Variants in CACNA1E observed in about 807,000 individuals in gnomAD.
CACNA1E encodes voltage-dependent R-type calcium channel subunit alpha-1E.
CACNA1E carries 40 observed loss-of-function variants against 259.2 expected under a neutral mutation model. The ratio of observed to expected loss-of-function variants is 0.15; its 90% CI spans 0.12 to 0.20. CACNA1E has a LOEUF of 0.20. CACNA1E is among the 10% of genes least tolerant of loss of function. The probability of loss-of-function intolerance (pLI) is 1.00; values close to 1 mark genes in which losing one functional copy is unlikely to be tolerated. For synonymous variants in CACNA1E, 1,104 were observed against 1,138.5 expected, an observed-to-expected ratio of 0.97 and a Z score of 0.61; for missense variants, 1,874 against 3,040.1, an observed-to-expected ratio of 0.62 and a Z score of 9.02.
At chr1:181,391,941 C>CTGTGTG (rs1168690866) in intron 1 of CACNA1E, among the ~76,000 whole-genome samples, 229 of 116,864 alleles carry the variant, frequency 2.0e-3, no homozygotes, top group African/African-American at 8.9e-3. Flanking sequence ...CTCTCTCTCT[C>CTGTGTG]TCTCTGTGTG....
At chr1:181,560,694 C>G (rs957850750) in intron 3 of CACNA1E, among the ~76,000 whole-genome samples, 1 of 152,084 alleles carries the variant, frequency 6.6e-6, no homozygotes, top group African/African-American at 2.4e-5. Flanking sequence ...CAAATTGAAC[C>G]ATAAAAATTA....
chr1:181,745,878 C>G (rs953290703), intron 25 of CACNA1E, among the ~76,000 whole-genome samples: 5 of 152,210 alleles, frequency 3.3e-5, no homozygotes, highest in African/African-American at 1.2e-4. Flanking sequence ...GCTCTGCTCT[C>G]TCCTGCTGCT....
chr1:181,395,040 G>A (rs1209773540), intron 1 of CACNA1E, among the ~76,000 whole-genome samples: 2 of 152,184 alleles, frequency 1.3e-5, no homozygotes, highest in Admixed American at 6.5e-5. Flanking sequence ...AGAGGCTCAC[G>A]CTGCACATTG....
chr1:181,617,323 G>T (rs1163266398), intron 6 of CACNA1E, among the ~76,000 whole-genome samples: 4 of 149,662 alleles, frequency 2.7e-5, no homozygotes, highest in Non-Finnish European at 3.0e-5. Flanking sequence ...TGTGTGTTTT[G>T]CTCATCATGG....
At chr1:181,715,927 C>A in intron 9 of CACNA1E, 113 bp from the exon 10 acceptor site, 1 of 684,638 alleles carries the variant, frequency 1.5e-6, no homozygotes. Context: ...AGATAGATGC[C>A]TGTGTTACAG....
intron 44 of CACNA1E, 103 bp from the exon 45 acceptor site, chr1:181,793,562 C>G (rs752559462): frequency 3.1e-6 from 4 of 1,270,634 alleles, no homozygotes; most frequent in Non-Finnish European, 4.3e-6. Flanking sequence ...CTGCAAGTCT[C>G]TCTTTTGAAA....
chr1:181,371,186 T>C (rs1654686575), intron 1 of CACNA1E, among the ~76,000 whole-genome samples: 1 of 152,224 alleles, frequency 6.6e-6, no homozygotes, highest in African/African-American at 2.4e-5. Flanking sequence ...GCTGAATGCA[T>C]AGTTCATGAA....
rs1290414134 is a variant in CACNA1E at position 181,485,468 on chromosome 1, T to C, written c.266+1458T>C. ...TCTAAGCAGATATTCTTCCTGCTGC[T>C]GTTCGCATCCTCCCACAGCAACCCC... On this transcript the variant is annotated intron_variant, in intron 1 of 47. Coordinates refer to ENST00000367573, the MANE Select transcript of CACNA1E (RefSeq NM_001205293.3). This position sits in a 1 kb window ranked among gnomAD's most constrained non-coding sequence, Gnocchi z 4.2. Among the ~76,000 whole-genome samples, 1 of 152,198 alleles carries C rather than the reference T, an allele frequency of 6.6e-6. No homozygotes were observed. The highest frequency in any genetic ancestry group is 1.9e-4 in the East Asian group (1 of 5,198).
At chr1:181,601,982 T>A (rs1404059248) in intron 6 of CACNA1E, among the ~76,000 whole-genome samples, 2 of 152,112 alleles carry the variant, frequency 1.3e-5, no homozygotes, top group East Asian at 3.9e-4. Context: ...CTAACATGGG[T>A]CTTGCTGGAA....
chr1:181,394,290 A>G (rs1571754720), intron 1 of CACNA1E, among the ~76,000 whole-genome samples: 1 of 152,232 alleles, frequency 6.6e-6, no homozygotes, highest in African/African-American at 2.4e-5. Flanking sequence ...ATAAGATAGC[A>G]TATTTAAAGT....
intron 7 of CACNA1E, among the ~76,000 whole-genome samples, chr1:181,682,287 A>C (rs1650053982): frequency 6.6e-6 from 1 of 152,180 alleles, no homozygotes; most frequent in African/African-American, 2.4e-5. Flanking sequence ...TGGGATACAC[A>C]ATACTTTTAA....
chr1:181,607,974 G>T (rs1311445838), intron 6 of CACNA1E, among the ~76,000 whole-genome samples: 1 of 152,180 alleles, frequency 6.6e-6, no homozygotes, highest in African/African-American at 2.4e-5. Flanking sequence ...GCTATTGTGG[G>T]ATGTCATTTC....
At chr1:181,369,850 T>C (rs1034828419) in intron 1 of CACNA1E, among the ~76,000 whole-genome samples, 3 of 152,226 alleles carry the variant, frequency 2.0e-5, no homozygotes, top group African/African-American at 7.2e-5. Context: ...GTTTGTCATA[T>C]AGGCAAATTG....
chr1:181,609,767 T>A (rs1372235223), intron 6 of CACNA1E, among the ~76,000 whole-genome samples: 1 of 152,218 alleles, frequency 6.6e-6, no homozygotes, highest in African/African-American at 2.4e-5. Flanking sequence ...TTTCTATGAT[T>A]TGCCTAGATT....
intron 6 of CACNA1E, among the ~76,000 whole-genome samples, chr1:181,607,573 T>C (rs1209897278): frequency 1.3e-5 from 2 of 152,348 alleles, no homozygotes; most frequent in African/African-American, 2.4e-5. Context: ...GCTCTTATTC[T>C]CTAGAAGCTT....
intron 6 of CACNA1E, among the ~76,000 whole-genome samples, chr1:181,647,480 C>T (rs1179488732): frequency 6.6e-6 from 1 of 152,140 alleles, no homozygotes; most frequent in Non-Finnish European, 1.5e-5. Flanking sequence ...TCTCTTGCAC[C>T]TCCTGCTGAG....
rs1169304498 is a variant in CACNA1E at position 181,755,246 on chromosome 1, G to T, written c.3838G>T (p.Asp1280Tyr). 6.2e-7 allele frequency: 1 copy of T among 1,613,624 alleles called. No individual in the cohort carries two copies. The highest frequency in any genetic ancestry group is 1.1e-5 in the South Asian group (1 of 90,984). ...KRLPKLKAVF[D>Y]CVVTSLKNVF... is the part of the protein sequence containing the mutation. The stretch of plus-strand genomic sequence containing the variant: ...TTTGCTCTGTCCACAGGCCGTCTTC[G>T]ACTGCGTAGTGACCTCCTTGAAGAA... Residue 1280 changes from aspartate (D) to tyrosine (Y), a missense_variant, in exon 28 of 48, where the codon GAC (aspartate) becomes TAC (tyrosine). Asp to Tyr is a radical substitution (Grantham distance 160). Coordinates refer to ENST00000367573, the MANE Select transcript of CACNA1E (RefSeq NM_001205293.3).
chr1:181,435,515 A>ATTAT (rs1300255208), intron 2 of CACNA1E, among the ~76,000 whole-genome samples: 34 of 151,950 alleles, frequency 2.2e-4, no homozygotes, highest in Middle Eastern at 3.2e-3. Context: ...TGTGTAGCTG[A>ATTAT]TTATTTATTT....
At chr1:181,325,675 A>G (rs1571566362) in intron 1 of CACNA1E, among the ~76,000 whole-genome samples, 1 of 150,998 alleles carries the variant, frequency 6.6e-6, no homozygotes, top group Non-Finnish European at 1.5e-5. Context: ...TTAAATTTTT[A>G]TTTTTATTTT....
Sources: gnomAD v4.1 joint callset for allele counts (sites outside exome capture counted in the v4.1 genomes callset) on GRCh38, gnomAD v4.1.1 for gene constraint, Gnocchi (gnomAD v3.1) non-coding constraint, MANE v1.5 for transcripts, NCBI Gene and HGNC (gene_info 2026-07-23, HGNC 2026-07-21) for gene names.